The following DAGLB variants were observed in gnomAD, a reference collection of about 807,000 sequenced individuals.
The protein encoded by DAGLB is diacylglycerol lipase-beta.
Under a neutral mutation model 72.1 loss-of-function variants are expected in DAGLB, and 66 were observed. That is an observed-to-expected ratio of 0.92 (90% CI 0.75 to 1.12). The LOEUF (loss-of-function observed/expected upper bound fraction) is 1.12. DAGLB is among the 50% of genes most tolerant of loss of function. DAGLB has a pLI of 0.00. For missense variants in DAGLB, 1,065 were observed against 884.9 expected (o/e 1.20, Z -2.58); for synonymous variants, 414 against 359.5 (o/e 1.15, Z -1.71).
At position 6,436,403 on chromosome 7, in the gene DAGLB, G is replaced by C; in HGVS notation, c.378C>G (p.Asp126Glu). 6.2e-7 allele frequency: 1 copy of C among 1,613,956 alleles called. No homozygotes were observed. ...AAWVADGVQCDRTVVNGIIAT... is the reference protein window; with the variant it reads ...AAWVADGVQCERTVVNGIIAT... ...CGATGATGCCGTTTACAACTGTCCT[G>C]TCGCACTGAACACCATCTGCCACCC... Residue 126 changes from aspartate (D) to glutamate (E), a missense_variant, in exon 3 of 15, where the codon GAC becomes GAG. Physicochemically the swap from Asp to Glu is conservative, Grantham distance 45 (BLOSUM62 2). Transcript: ENST00000297056.
intron 2 of DAGLB, chr7:6,445,632 T>A (rs1784975652): frequency 5.8e-6 from 1 of 172,712 alleles, no homozygotes; most frequent in East Asian, 1.6e-4. Flanking sequence ...TTTCTCTATT[T>A]TTAGTAGAGA....
chr7:6,411,699 AC>A (rs1783733917), intron 13 of DAGLB, among the ~76,000 whole-genome samples: 1 of 152,194 alleles, frequency 6.6e-6, no homozygotes, highest in African/African-American at 2.4e-5. Flanking sequence ...TAGGAACAAA[AC>A]CATGAGAAAG....
At chr7:6,421,946 T>A in intron 8 of DAGLB, 142 bp from the exon 9 acceptor site, 3 of 930,654 alleles carry the variant, frequency 3.2e-6, no homozygotes, top group South Asian at 1.4e-5. Context: ...GACTGAACCC[T>A]AAACTAAAGA....
chr7:6,418,581 G>A (rs766644321), intron 9 of DAGLB, among the ~76,000 whole-genome samples: 5 of 152,134 alleles, frequency 3.3e-5, no homozygotes, highest in Non-Finnish European at 7.3e-5. Flanking sequence ...GTGCAGCTTC[G>A]ATTCTAATAG....
intron 4 of DAGLB, among the ~76,000 whole-genome samples, chr7:6,434,367 A>G (rs1784586387): frequency 6.6e-6 from 1 of 152,292 alleles, no homozygotes; most frequent in East Asian, 1.9e-4. Flanking sequence ...ATCATGATAC[A>G]AAGTGGTAAG....
At chr7:6,445,469 A>G (rs1562491044) in intron 2 of DAGLB, among the ~76,000 whole-genome samples, 1 of 152,086 alleles carries the variant, frequency 6.6e-6, no homozygotes. Flanking sequence ...GGGTTGGGAG[A>G]GTTTGGGGAA....
rs1784404711 is a variant in DAGLB, at chr7:6,429,217, T to C, written c.929+1263A>G. On this transcript the variant is annotated intron_variant, in intron 6 of 14. Coordinates refer to ENST00000297056, the MANE Select transcript of DAGLB (RefSeq NM_139179.4). ...TGGCATCATGTATCCCCTGATATGA[T>C]ACACTAGGAAGGATGGTTGTCATGG... Among the ~76,000 whole-genome samples, 3 of 152,068 alleles carry C rather than the reference T, an allele frequency of 2.0e-5. No homozygotes were observed. The South Asian group carries it at 6.2e-4, about 32-fold the overall frequency.
At position 6,434,866 on chromosome 7, in the gene DAGLB, C is replaced by T. The variant is rs758563828; in HGVS notation, c.574G>A (p.Val192Met). Residue 192 changes from valine (V) to methionine (M), a missense_variant, in exon 4 of 15, where the codon GTG (valine) becomes ATG (methionine). By Grantham distance (21) the Val-to-Met change is conservative. Coordinates refer to ENST00000297056, the MANE Select transcript of DAGLB (RefSeq NM_139179.4). ...LNGLKTAATSVWETRIKLLCC... is the reference protein window; with the variant it reads ...LNGLKTAATSMWETRIKLLCC... ...AAGAGCTTGATTCTGGTTTCCCACA[C>T]GCTTGTAGCTGCTGTCTTGAGGCCA... 2.5e-5 allele frequency: 41 copies of T among 1,614,070 alleles called. No homozygotes were observed. The highest frequency in any genetic ancestry group is 4.5e-5 in the East Asian group (2 of 44,898).
chr7:6,441,930 A>C (rs898024509), intron 2 of DAGLB, among the ~76,000 whole-genome samples: 8 of 152,086 alleles, frequency 5.3e-5, no homozygotes, highest in African/African-American at 1.7e-4. Context: ...GGCTGCCCTG[A>C]CCGAGACAAG....
intron 6 of DAGLB, 39 bp downstream of exon 6, chr7:6,430,441 G>A: frequency 7.1e-7 from 1 of 1,416,360 alleles, no homozygotes; most frequent in Non-Finnish European, 9.3e-7. Context: ...TTTTTTTAAG[G>A]GAAATATGGC....
At chr7:6,423,044 G>C in intron 8 of DAGLB, among the ~76,000 whole-genome samples, 1 of 152,170 alleles carries the variant, frequency 6.6e-6, no homozygotes, top group East Asian at 1.9e-4. Context: ...TACAGCCCAG[G>C]AGTCCAAGAC....
At position 6,424,829 on chromosome 7, in the gene DAGLB, C is replaced by T. The variant is rs755167820; in HGVS notation, c.1063G>A (p.Glu355Lys). The T allele has an allele frequency of 5.0e-6, 8 of 1,613,644 alleles. No individual in the cohort carries two copies. Among genetic ancestry groups the T allele is most frequent in the Middle Eastern group, 1.7e-4 (1 of 6,060 alleles). Residue 355 changes from glutamate to lysine, a missense_variant, in exon 8 of 15, where the codon GAG becomes AAG. Physicochemically the swap from Glu to Lys is moderately conservative, Grantham distance 56 (BLOSUM62 1). Transcript: ENST00000297056. The stretch of plus-strand genomic sequence containing the variant: ...TCCAGAGCCACTAAAAACGGCAGCT[C>T]GTAAACCTGCAGGAGCAAGAAACAA... ...IHVSFHDKVY[E>K]LPFLVALDHR...
chr7:6,445,941 G>A lies in DAGLB; in HGVS notation c.247+12C>T, dbSNP rs750571335. On this transcript the variant is annotated intron_variant, in intron 2 of 14. Transcript: ENST00000297056. ...AAAAAATAGGTATCAAATAGAAAAG[G>A]CTACTTTTTACCTCTCATGCTGACA... is the stretch of plus-strand genomic sequence containing the variant. 1.3e-6 allele frequency: 2 copies of A among 1,576,460 alleles called. No homozygotes were observed. The highest frequency in any genetic ancestry group is 1.2e-5 in the South Asian group (1 of 86,702).
Position 6,447,833 on chromosome 7 carries a change from T to C in DAGLB, c.10A>G (p.Met4Val). MPG[M>V]VLFGRRWAIA... ...GCCCAGCGCCGGCCGAAGAGTACCA[T>C]CCCCGGCATGGCGAAGGTCCCGTAG... The change falls in exon 1 of 15, where the codon ATG becomes GTG. Residue 4 changes from methionine to valine, a missense_variant. Physicochemically the swap from Met to Val is conservative, Grantham distance 21 (BLOSUM62 1). Coordinates refer to ENST00000297056, the MANE Select transcript of DAGLB (RefSeq NM_139179.4). 1 of 1,611,432 alleles carries C rather than the reference T, an allele frequency of 6.2e-7. No homozygotes were observed. Among genetic ancestry groups the C allele is most frequent in the Non-Finnish European group, 8.5e-7 (1 of 1,179,070 alleles).
chr7:6,421,334 G>A (rs1195759884), intron 9 of DAGLB, among the ~76,000 whole-genome samples: 1 of 145,204 alleles, frequency 6.9e-6, no homozygotes, highest in African/African-American at 2.6e-5. Context: ...CGCAGGCAGC[G>A]CGGGAGGCGC....
At position 6,434,795 on chromosome 7, in the gene DAGLB, C is replaced by T. The variant is rs748310114; in HGVS notation, c.645G>A (p.Ser215=). The T allele has an allele frequency of 3.1e-6, 5 of 1,614,080 alleles. No individual in the cohort carries two copies. Among genetic ancestry groups the T allele is most frequent in the East Asian group, 2.2e-5 (1 of 44,882 alleles). ...GKDDHTRVAF[S]STAELFSTYF... is the part of the protein sequence containing the mutation. ...AGGTTGAGAAAAGCTCTGCCGTACT[C>T]GAAAAAGCAACCCGAGTATGGTCGT... The change falls in exon 4 of 15, where the codon TCG becomes TCA. Residue 215 remains serine (S), a synonymous_variant. Transcript: ENST00000297056.
At chr7:6,419,356 C>T (rs1386059788) in intron 9 of DAGLB, among the ~76,000 whole-genome samples, 2 of 152,122 alleles carry the variant, frequency 1.3e-5, no homozygotes, top group South Asian at 4.1e-4. Context: ...CGGCGGGATG[C>T]AGTCAACTCC....
chr7:6,444,911 A>G (rs1285192364), intron 2 of DAGLB, among the ~76,000 whole-genome samples: 1 of 152,208 alleles, frequency 6.6e-6, no homozygotes, highest in Non-Finnish European at 1.5e-5. Context: ...GTCTCAAAAA[A>G]ACAAAACAAA....
rs562063595 is a variant in DAGLB at position 6,425,899 on chromosome 7, C to T, written c.1056+89G>A. 4.7e-5 allele frequency: 73 copies of T among 1,569,788 alleles called. No homozygotes were observed. In the East Asian group the frequency reaches 7.1e-4, roughly 15 times the overall value. ...AGTGTGTTTGTGTGTCTATGAATTACGGGAAGAATAATTCATAACTTCCAT... is the reference window on the plus strand; with the variant it reads ...AGTGTGTTTGTGTGTCTATGAATTATGGGAAGAATAATTCATAACTTCCAT... On this transcript the variant is annotated intron_variant, in intron 7 of 14. Coordinates refer to ENST00000297056, the MANE Select transcript of DAGLB (RefSeq NM_139179.4).
Sources: gnomAD v4.1 joint callset for allele counts (sites outside exome capture counted in the v4.1 genomes callset) on GRCh38, gnomAD v4.1.1 for gene constraint, MANE v1.5 for transcripts, NCBI Gene and HGNC (gene_info 2026-07-23, HGNC 2026-07-21) for gene names.